RNF144B: variants seen among roughly 807,000 people sequenced by gnomAD.
The protein encoded by RNF144B is E3 ubiquitin-protein ligase RNF144B.
RNF144B carries 25 observed loss-of-function variants against 40.2 expected under a neutral mutation model. That is an observed-to-expected ratio of 0.62 (90% CI 0.45 to 0.87). The LOEUF is 0.87. Among genes scored for constraint, RNF144B ranks in the 40% least tolerant of loss-of-function variants. The pLI, the probability that RNF144B is intolerant of heterozygous loss-of-function variation, is 0.00. For missense variants in RNF144B, 365 were observed against 373.7 expected, an observed-to-expected ratio of 0.98 and a Z score of 0.19; for synonymous variants, 145 against 136.3, an observed-to-expected ratio of 1.06 and a Z score of -0.44.
chr6:18,427,101 A>G (rs12197984), intron 2 of RNF144B, among the ~76,000 whole-genome samples: 18,283 of 152,140 alleles, frequency 0.12, 1,319 homozygotes, highest in Admixed American at 0.19. Flanking sequence ...TTTTCCAGGT[A>G]TGTTTGCTTT....
At position 18,450,078 on chromosome 6, in the gene RNF144B, G is replaced by A. The variant is rs75366983; in HGVS notation, c.332-7077G>A. Among the ~76,000 whole-genome samples, 1,344 of 152,322 alleles carry A rather than the reference G, an allele frequency of 8.8e-3. 23 individuals carry two copies. Among genetic ancestry groups the A allele is most frequent in the African/African-American group, 0.031 (1,272 of 41,564 alleles). The stretch of plus-strand genomic sequence containing the variant: ...ATGATCTGTGTGTAGCTGTTTGACT[G>A]TAAGGGATAAGTCAGCTGTCACTGT... On this transcript the variant is annotated intron_variant, in intron 4 of 7. Coordinates refer to ENST00000259939, the MANE Select transcript of RNF144B (RefSeq NM_182757.4). This position sits in a 1 kb window ranked among gnomAD's most constrained non-coding sequence, Gnocchi z 4.7.
chr6:18,403,146 A>G (rs1452964614), intron 2 of RNF144B, among the ~76,000 whole-genome samples: 3 of 152,234 alleles, frequency 2.0e-5, no homozygotes, highest in Non-Finnish European at 4.4e-5. Flanking sequence ...CCAAATATGA[A>G]AATTCTAACT....
In RNF144B at chr6:18,443,306, A is replaced by G. The variant is rs898199961; in HGVS notation, c.331+3562A>G. Among the ~76,000 whole-genome samples the G allele has an allele frequency of 9.2e-5, 14 of 152,070 alleles. No homozygotes were observed. The highest frequency in any genetic ancestry group is 1.0e-4 in the Non-Finnish European group (7 of 68,006). ...GAGATGGAGTCTCATTCTGTTGCCCAGGCTGGATTGCAGTGGCACGAACTC... is the reference window on the plus strand; with the variant it reads ...GAGATGGAGTCTCATTCTGTTGCCCGGGCTGGATTGCAGTGGCACGAACTC... On this transcript the variant is annotated intron_variant, in intron 4 of 7. Coordinates refer to ENST00000259939, the MANE Select transcript of RNF144B (RefSeq NM_182757.4). This position sits in a 1 kb window ranked among gnomAD's most constrained non-coding sequence, Gnocchi z 4.7.
At position 18,460,257 on chromosome 6, in the gene RNF144B, A is replaced by G. The variant is rs561422803; in HGVS notation, c.681+506A>G. 2.1e-4 allele frequency among the ~76,000 whole-genome samples: 32 copies of G among 152,278 alleles called. No individual in the cohort carries two copies. The highest frequency in any genetic ancestry group is 6.7e-4 in the African/African-American group (28 of 41,550). ...TCCTTGGCTTGTGGCCTCTTCCTCC[A>G]TCTTCAAAGCCAGCAACATCAGATC... On this transcript the variant is annotated intron_variant, in intron 6 of 7. Transcript: ENST00000259939. This position sits in a 1 kb window ranked among gnomAD's most constrained non-coding sequence, Gnocchi z 4.4.
rs765915847 is a variant in RNF144B at position 18,457,425 on chromosome 6, G to T, written c.536+66G>T. 4 of 1,204,946 alleles carry T rather than the reference G, an allele frequency of 3.3e-6. No individual in the cohort carries two copies. Among genetic ancestry groups the T allele is most frequent in the African/African-American group, 1.5e-5 (1 of 67,018 alleles). 74.6% of individuals were successfully genotyped at this position (1,204,946 alleles called of 1,614,324 possible). ...TTCTTAGAAATTCAACATACCTTAC[G>T]TGTAGAAGGAGTTACGTTGTGATGG... On this transcript the variant is annotated intron_variant, in intron 5 of 7. Transcript: ENST00000259939. The surrounding 1 kb of genome is among the most constrained non-coding windows in gnomAD (Gnocchi z 5.1).
At position 18,460,808 on chromosome 6, in the gene RNF144B, C is replaced by T. The variant is rs542782651; in HGVS notation, c.681+1057C>T. 2.0e-5 allele frequency among the ~76,000 whole-genome samples: 3 copies of T among 152,246 alleles called. No individual in the cohort carries two copies. The highest frequency in any genetic ancestry group is 2.1e-4 in the South Asian group (1 of 4,824). ...AATGGTAACTTCAGAGTTAAAAATG[C>T]GATGCAAAGAGTTGGTGAGAAGGTC... On this transcript the variant is annotated intron_variant, in intron 6 of 7. Transcript: ENST00000259939. The surrounding 1 kb of genome is among the most constrained non-coding windows in gnomAD (Gnocchi z 4.4).
rs775744128 is a variant in RNF144B, at chr6:18,407,559, A to G, written c.165+7860A>G. 6.2e-4 allele frequency among the ~76,000 whole-genome samples: 94 copies of G among 152,232 alleles called. 1 individual carries two copies. The highest frequency in any genetic ancestry group is 3.2e-4 in the Non-Finnish European group (22 of 68,044). On this transcript the variant is annotated intron_variant, in intron 2 of 7. Coordinates refer to ENST00000259939, the MANE Select transcript of RNF144B (RefSeq NM_182757.4). Reference sequence around the variant, plus strand: ...TTCCAGGATTGGGACATACCATAGTACTGACTATTCAATTATTGGAAATTT... The same window carrying G: ...TTCCAGGATTGGGACATACCATAGTGCTGACTATTCAATTATTGGAAATTT...
Position 18,465,970 on chromosome 6 carries a change from A to G in RNF144B, c.*903A>G, listed in dbSNP as rs960444274. 1.3e-5 allele frequency: 2 copies of G among 152,228 alleles called. No homozygotes were observed. Among genetic ancestry groups the G allele is most frequent in the African/African-American group, 4.8e-5 (2 of 41,462 alleles). The allele number at this position is 152,228 out of a possible 1,614,324, so 9.4% of individuals were successfully genotyped here. On this transcript the variant is annotated 3_prime_UTR_variant, in exon 8 of 8. Coordinates refer to ENST00000259939, the MANE Select transcript of RNF144B (RefSeq NM_182757.4). Reference sequence around the variant, plus strand: ...TTTGGAATCAGGCCTAAGAGTACACATGGAGGGTAAATATTAAAGTGCGTA... The same window carrying G: ...TTTGGAATCAGGCCTAAGAGTACACGTGGAGGGTAAATATTAAAGTGCGTA...
At chr6:18,453,137 C>CT (rs33972716) in intron 4 of RNF144B, among the ~76,000 whole-genome samples, 20,599 of 103,356 alleles carry the variant, frequency 0.2, 2,955 homozygotes, top group African/African-American at 0.25. Flanking sequence ...TTTCTGTCTG[C>CT]TTTTTTTTTT....
At chr6:18,437,748 C>T (rs1758854604) in intron 3 of RNF144B, among the ~76,000 whole-genome samples, 1 of 152,210 alleles carries the variant, frequency 6.6e-6, no homozygotes, top group Non-Finnish European at 1.5e-5. Context: ...TAAAATTAAA[C>T]ATCCATCTCT....
chr6:18,435,957 G>T (rs138141733), intron 3 of RNF144B, among the ~76,000 whole-genome samples: 3,824 of 151,506 alleles, frequency 0.025, 126 homozygotes, highest in South Asian at 0.16. Flanking sequence ...CACCAACATG[G>T]CACATGTATA....
In RNF144B at chr6:18,405,454, C is replaced by T. The variant is rs1329317822; in HGVS notation, c.165+5755C>T. Among the ~76,000 whole-genome samples, 1 of 152,042 alleles carries T rather than the reference C, an allele frequency of 6.6e-6. No individual in the cohort carries two copies. Among genetic ancestry groups the T allele is most frequent in the African/African-American group, 2.4e-5 (1 of 41,404 alleles). On this transcript the variant is annotated intron_variant, in intron 2 of 7. Coordinates refer to ENST00000259939, the MANE Select transcript of RNF144B (RefSeq NM_182757.4). This position sits in a 1 kb window ranked among gnomAD's most constrained non-coding sequence, Gnocchi z 4.5. ...CCTCCCAAAGTGCTGGGATTATAGG[C>T]GTGAGCCACCGTGCCCAGCCGCAAG...
At chr6:18,396,487 A>G (rs1794697171) in intron 1 of RNF144B, 1 of 984,316 alleles carries the variant, frequency 1.0e-6, no homozygotes, top group Non-Finnish European at 1.2e-6. Flanking sequence ...TTGCTAGGTC[A>G]GAACAACAGG....
rs767477071 is a variant in RNF144B, at chr6:18,411,462, CAT to C, written c.165+11798_165+11799del. ...AACCTCAAAAAGCATGTGCATGATT[CAT>C]ATATATATATATATATATATATATA... On this transcript the variant is annotated intron_variant, in intron 2 of 7. Coordinates refer to ENST00000259939, the MANE Select transcript of RNF144B (RefSeq NM_182757.4). 3.9e-3 allele frequency among the ~76,000 whole-genome samples: 229 copies of C among 59,322 alleles called. 1 individual carries two copies. The highest frequency in any genetic ancestry group is 6.1e-3 in the African/African-American group (85 of 13,934). 38.9% of individuals were successfully genotyped at this position (59,322 alleles called of 152,430 possible). A position where few individuals can be genotyped will look rare whatever the true frequency, so the allele number is the denominator to read the frequency against.
At chr6:18,403,672 C>T (rs750592381) in intron 2 of RNF144B, among the ~76,000 whole-genome samples, 23 of 152,222 alleles carry the variant, frequency 1.5e-4, no homozygotes, top group Admixed American at 3.9e-4. Flanking sequence ...TTTGGGAGAC[C>T]GTCTTAGTCC....
At position 18,457,134 on chromosome 6, in the gene RNF144B, T is replaced by A; in HGVS notation, c.332-21T>A. Reference sequence around the variant, plus strand: ...AACATGAATCGGGCAGACCATCACATTTTCTTTCTTTACACTTTAGAAGTT... The same window carrying A: ...AACATGAATCGGGCAGACCATCACAATTTCTTTCTTTACACTTTAGAAGTT... On this transcript the variant is annotated intron_variant, in intron 4 of 7. Transcript: ENST00000259939. The surrounding 1 kb of genome is among the most constrained non-coding windows in gnomAD (Gnocchi z 5.1). 1 of 1,578,054 alleles carries A rather than the reference T, an allele frequency of 6.3e-7. No homozygotes were observed. The highest frequency in any genetic ancestry group is 8.7e-7 in the Non-Finnish European group (1 of 1,148,380).
At chr6:18,389,922 G>A (rs766133273) in intron 1 of RNF144B, among the ~76,000 whole-genome samples, 1 of 152,138 alleles carries the variant, frequency 6.6e-6, no homozygotes, top group Non-Finnish European at 1.5e-5. Context: ...TGAATTTCTG[G>A]AAGTGAATAC....
intron 2 of RNF144B, among the ~76,000 whole-genome samples, chr6:18,408,894 A>G (rs1794969747): frequency 6.8e-6 from 1 of 147,688 alleles, no homozygotes; most frequent in Non-Finnish European, 1.5e-5. Context: ...GTGAATTATT[A>G]TTTTTCTTCT....
At chr6:18,430,770 C>A (rs1244458615) in intron 3 of RNF144B, among the ~76,000 whole-genome samples, 1 of 151,930 alleles carries the variant, frequency 6.6e-6, no homozygotes, top group African/African-American at 2.4e-5. Flanking sequence ...ACCACCACAT[C>A]TGGCTTCATT....
Sources: allele counts gnomAD v4.1 joint callset (sites outside exome capture counted in the v4.1 genomes callset), GRCh38; gene constraint gnomAD v4.1.1; non-coding constraint Gnocchi (gnomAD v3.1); transcripts MANE v1.5; gene names NCBI Gene and HGNC (gene_info 2026-07-23, HGNC 2026-07-21).